BLK: variants seen among roughly 807,000 people sequenced by gnomAD.
The protein encoded by BLK is tyrosine-protein kinase Blk.
BLK carries 64 observed loss-of-function variants against 61.8 expected under a neutral mutation model. The ratio of observed to expected loss-of-function variants is 1.03; its 90% confidence interval spans 0.85 to 1.27. The LOEUF is 1.27. Among genes scored for constraint, BLK ranks in the 50% most tolerant of loss-of-function variants. BLK has a pLI of 0.00. For synonymous variants in BLK, 351 were observed against 272.0 expected, an observed-to-expected ratio of 1.29 and a Z score of -2.86; for missense variants, 853 against 660.5, an observed-to-expected ratio of 1.29 and a Z score of -3.19.
At chr8:11,558,159 C>A in intron 10 of BLK, 121 bp downstream of exon 10, 2 of 940,462 alleles carry the variant, frequency 2.1e-6, no homozygotes, top group South Asian at 1.4e-5. Context: ...GTACTGAAGG[C>A]CACCTTCCTC....
At chr8:11,543,111 C>T in intron 1 of BLK, 113 bp from the exon 2 acceptor site, 3 of 1,555,354 alleles carry the variant, frequency 1.9e-6, no homozygotes, top group Non-Finnish European at 1.8e-6. Context: ...GCTGCACCCA[C>T]TTCCACCCCA....
intron 1 of BLK, among the ~76,000 whole-genome samples, chr8:11,536,135 T>G (rs1800123228): frequency 6.6e-6 from 1 of 152,254 alleles, no homozygotes; most frequent in Non-Finnish European, 1.5e-5. Context: ...ATGGAAATAT[T>G]GCTAGTTTTG....
intron 1 of BLK, among the ~76,000 whole-genome samples, chr8:11,535,322 A>AAGAAAGAAAGAG (rs1337255124): frequency 1.7e-5 from 2 of 114,996 alleles, no homozygotes; most frequent in Non-Finnish European, 3.9e-5. Flanking sequence ...GAAAGAAAGA[A>AAGAAAGAAAGAG]AGAGAAGGAA....
intron 1 of BLK, among the ~76,000 whole-genome samples, chr8:11,527,046 T>G (rs757248426): frequency 8.5e-5 from 13 of 152,188 alleles, no homozygotes; most frequent in Non-Finnish European, 1.8e-4. Context: ...ATTTGCAGTT[T>G]CGTTAGAGGA....
intron 1 of BLK, among the ~76,000 whole-genome samples, chr8:11,538,324 C>T (rs1003088706): frequency 4.6e-5 from 7 of 152,224 alleles, no homozygotes; most frequent in African/African-American, 1.7e-4. Flanking sequence ...CAACCTGAAA[C>T]TGCTGGGTGC....
intron 3 of BLK, 58 bp from the exon 4 acceptor site, chr8:11,547,974 G>A (rs762522454): frequency 3.1e-5 from 46 of 1,471,884 alleles, no homozygotes; most frequent in Non-Finnish European, 4.2e-5. Context: ...GCTCACCCCA[G>A]CCCCACCTTC....
At position 11,561,317 on chromosome 8, in the gene BLK, G is replaced by A; in HGVS notation, c.1045G>A (p.Ala349Thr). The A allele has an allele frequency of 1.2e-6, 2 of 1,613,680 alleles. No individual in the cohort carries two copies. The highest frequency in any genetic ancestry group is 1.7e-6 in the Non-Finnish European group (2 of 1,179,838). ...DMSAQIAEGM[A>T]YIERMNSIHR... ...GTTCCCTCAGATTGCTGAAGGGATG[G>A]CATACATTGAGCGCATGAATTCCAT... is the stretch of plus-strand genomic sequence containing the variant. Residue 349 changes from alanine to threonine, a missense_variant, in exon 11 of 13, where the codon GCA becomes ACA. Transcript: ENST00000259089.
intron 2 of BLK, 144 bp from the exon 3 acceptor site, chr8:11,545,908 T>G: frequency 1.2e-6 from 1 of 868,856 alleles, no homozygotes; most frequent in Non-Finnish European, 2.0e-6. Flanking sequence ...AGAATGTCCC[T>G]GAGCAGCCCC....
chr8:11,503,514 C>G (rs772676909), intron 1 of BLK, among the ~76,000 whole-genome samples: 1 of 152,208 alleles, frequency 6.6e-6, no homozygotes, highest in Non-Finnish European at 1.5e-5. Flanking sequence ...CTGCTCCATC[C>G]TGTGCCCAAG....
At chr8:11,511,896 A>T in intron 1 of BLK, among the ~76,000 whole-genome samples, 1 of 152,180 alleles carries the variant, frequency 6.6e-6, no homozygotes, top group East Asian at 1.9e-4. Flanking sequence ...TTGGTAAATG[A>T]AACTATTTAC....
intron 1 of BLK, among the ~76,000 whole-genome samples, chr8:11,510,865 C>A (rs367581380): frequency 6.6e-6 from 1 of 152,062 alleles, no homozygotes; most frequent in South Asian, 2.1e-4. Flanking sequence ...TCTATTTCTA[C>A]TTTTTTAACC....
At chr8:11,558,429 C>A (rs960474139) in intron 10 of BLK, 13 of 360,844 alleles carry the variant, frequency 3.6e-5, no homozygotes, top group Non-Finnish European at 6.0e-5. Context: ...TTAGATGGTG[C>A]CCACAAACAT....
In BLK at chr8:11,554,783, G is replaced by T; in HGVS notation, c.513G>T (p.Gly171=). ...SLSVKDVTTQ[G]ELIKHYKIRC... ...CTGTGAAGGATGTCACCACCCAGGGGGAGCTGATCAAGCACTATAAGATCC... is the reference window on the plus strand; with the variant it reads ...CTGTGAAGGATGTCACCACCCAGGGTGAGCTGATCAAGCACTATAAGATCC... Residue 171 remains glycine (G), a synonymous_variant, in exon 7 of 13, where the codon GGG becomes GGT. Coordinates refer to ENST00000259089, the MANE Select transcript of BLK (RefSeq NM_001715.3). The T allele has an allele frequency of 1.9e-6, 3 of 1,613,972 alleles. No individual in the cohort carries two copies. Among genetic ancestry groups the T allele is most frequent in the Non-Finnish European group, 2.5e-6 (3 of 1,180,014 alleles).
At chr8:11,561,815 C>T (rs1329120377) in intron 11 of BLK, among the ~76,000 whole-genome samples, 3 of 148,144 alleles carry the variant, frequency 2.0e-5, no homozygotes, top group East Asian at 3.9e-4. Context: ...CTAATTTGAG[C>T]TCCAAATACT....
rs574959641 is a variant in BLK, at chr8:11,556,915, G to C, written c.952+78G>C. On this transcript the variant is annotated intron_variant, in intron 9 of 12. Transcript: ENST00000259089. The stretch of plus-strand genomic sequence containing the variant: ...TAGCAGGAGGAGGAGGGTCCGCTGC[G>C]GTGGGTTCACCAGGCCAGGGGGTCC... 8 of 1,532,826 alleles carry C rather than the reference G, an allele frequency of 5.2e-6. No individual in the cohort carries two copies. In the South Asian group the frequency reaches 8.3e-5, roughly 16 times the overall value. 95.0% of individuals were successfully genotyped at this position (1,532,826 alleles called of 1,614,324 possible). A position where few individuals can be genotyped will look rare whatever the true frequency, so the allele number is the denominator to read the frequency against.
intron 2 of BLK, 57 bp downstream of exon 2, chr8:11,543,404 TG>T (rs780217004): frequency 2.1e-5 from 34 of 1,601,446 alleles, no homozygotes; most frequent in Non-Finnish European, 2.7e-5. Flanking sequence ...TATGCCTTAA[TG>T]TCCAAGTTTG....
chr8:11,499,523 G>C (rs1178287734), intron 1 of BLK, among the ~76,000 whole-genome samples: 1 of 152,190 alleles, frequency 6.6e-6, no homozygotes, highest in Non-Finnish European at 1.5e-5. Flanking sequence ...CTTGGCATGG[G>C]TACACTGCCG....
rs376977643 is a variant in BLK at position 11,563,964 on chromosome 8, C to G, written c.1374C>G (p.Asp458Glu). The G allele has an allele frequency of 1.9e-6, 3 of 1,606,786 alleles. No individual in the cohort carries two copies. The highest frequency in any genetic ancestry group is 2.5e-6 in the Non-Finnish European group (3 of 1,179,332). Residue 458 changes from aspartate to glutamate, a missense_variant, in exon 13 of 13, where the codon GAC becomes GAG. Coordinates refer to ENST00000259089, the MANE Select transcript of BLK (RefSeq NM_001715.3). ...LERGYRMPRPDTCPPELYRGV... is the reference protein window; with the variant it reads ...LERGYRMPRPETCPPELYRGV... ...GCGGCTACCGCATGCCGCGCCCCGACACCTGCCCGCCCGAGCTGTACCGCG... is the reference window on the plus strand; with the variant it reads ...GCGGCTACCGCATGCCGCGCCCCGAGACCTGCCCGCCCGAGCTGTACCGCG...
rs929440803 is a variant in BLK at position 11,546,269 on chromosome 8, A to C, written c.175+166A>C. ...TCTGTGCCTCTTGGGGCGTCTCTTC[A>C]GGAACCAAGAACAAGTTTCTTCAGT... On this transcript the variant is annotated intron_variant, in intron 3 of 12. Coordinates refer to ENST00000259089, the MANE Select transcript of BLK (RefSeq NM_001715.3). 4.6e-4 allele frequency among the ~76,000 whole-genome samples: 70 copies of C among 152,198 alleles called. 1 individual carries two copies. The highest frequency in any genetic ancestry group is 3.2e-4 in the Non-Finnish European group (22 of 68,030).
Sources: gnomAD v4.1 joint callset for allele counts (sites outside exome capture counted in the v4.1 genomes callset) on GRCh38, gnomAD v4.1.1 for gene constraint, MANE v1.5 for transcripts, NCBI Gene and HGNC (gene_info 2026-07-23, HGNC 2026-07-21) for gene names.